Variants in MDFIC2 observed in about 807,000 individuals in gnomAD.
MDFIC2 encodes myoD family inhibitor domain-containing protein 2.
At chr3:70,244,889 A>T (rs112976577) in intron 2 of MDFIC2, among the ~76,000 whole-genome samples, 3,866 of 152,304 alleles carry the variant, frequency 0.025, 77 homozygotes, top group Non-Finnish European at 0.034. Flanking sequence ...ATGTACTTTA[A>T]AAAGGAAATT....
intron 2 of MDFIC2, among the ~76,000 whole-genome samples, chr3:70,277,888 C>A (rs1317191188): frequency 6.6e-6 from 1 of 152,134 alleles, no homozygotes; most frequent in Non-Finnish European, 1.5e-5. Context: ...CAGTCTTAAT[C>A]AGAGGAAGAT....
chr3:70,246,608 T>C (rs1417925696), intron 2 of MDFIC2, among the ~76,000 whole-genome samples: 1 of 152,086 alleles, frequency 6.6e-6, no homozygotes, highest in African/African-American at 2.4e-5. Context: ...ACGAGGAACA[T>C]ACTTGATAAC....
Position 70,295,017 on chromosome 3 carries a change from T to C in MDFIC2, c.88+16869A>G, listed in dbSNP as rs775029068. On this transcript the variant is annotated intron_variant, in intron 2 of 3. Transcript: ENST00000567252. ...CTAGCAGATGGGTTCTCATGTCTCA[T>C]TGTCCAAAATTATTTGTTGCCTAAA... 8.4e-4 allele frequency among the ~76,000 whole-genome samples: 128 copies of C among 152,294 alleles called. 1 individual carries two copies. In the Middle Eastern group the frequency reaches 0.017, roughly 20 times the overall value.
At chr3:70,226,401 T>G (rs959734681) in intron 2 of MDFIC2, among the ~76,000 whole-genome samples, 1 of 152,132 alleles carries the variant, frequency 6.6e-6, no homozygotes, top group Admixed American at 6.6e-5. Context: ...GGGTATAATA[T>G]GCAGAAGGGT....
chr3:70,234,704 C>T (rs892599041), intron 2 of MDFIC2, among the ~76,000 whole-genome samples: 3 of 152,004 alleles, frequency 2.0e-5, no homozygotes, highest in Non-Finnish European at 4.4e-5. Flanking sequence ...GACACACATA[C>T]ATCTACTTTG....
chr3:70,250,821 C>T (rs1458799632), intron 2 of MDFIC2, among the ~76,000 whole-genome samples: 5 of 152,138 alleles, frequency 3.3e-5, no homozygotes, highest in Admixed American at 3.3e-4. Flanking sequence ...CTTCAGCACA[C>T]AGTTCTTTTC....
intron 2 of MDFIC2, among the ~76,000 whole-genome samples, chr3:70,216,320 T>G (rs1203009866): frequency 4.0e-5 from 6 of 150,554 alleles, no homozygotes; most frequent in African/African-American, 1.2e-4. Flanking sequence ...CTAATTATAA[T>G]TTATATATAT....
chr3:70,203,920 C>T (rs934111274), intron 3 of MDFIC2, among the ~76,000 whole-genome samples: 1 of 152,036 alleles, frequency 6.6e-6, no homozygotes, highest in African/African-American at 2.4e-5. Flanking sequence ...GTCCTCTGGA[C>T]ACTTTCCATT....
chr3:70,252,698 T>C (rs563809786), intron 2 of MDFIC2, among the ~76,000 whole-genome samples: 6 of 152,216 alleles, frequency 3.9e-5, no homozygotes, highest in Non-Finnish European at 5.9e-5. Flanking sequence ...TTTATTTATT[T>C]ATTTTTTTAA....
intron 2 of MDFIC2, among the ~76,000 whole-genome samples, chr3:70,236,197 C>G (rs543841158): frequency 6.6e-6 from 1 of 152,152 alleles, no homozygotes; most frequent in East Asian, 1.9e-4. Flanking sequence ...AAACTAAAAT[C>G]GACTTGGCCC....
intron 2 of MDFIC2, among the ~76,000 whole-genome samples, chr3:70,242,289 G>A (rs1032481618): frequency 2.6e-5 from 4 of 151,994 alleles, no homozygotes; most frequent in Non-Finnish European, 5.9e-5. Flanking sequence ...ACATCTCTTT[G>A]GAAATGGTGG....
intron 2 of MDFIC2, among the ~76,000 whole-genome samples, chr3:70,245,189 C>A (rs983329960): frequency 6.6e-6 from 1 of 151,968 alleles, no homozygotes; most frequent in African/African-American, 2.4e-5. Flanking sequence ...ATGCATTTCT[C>A]TTGGCGTTAA....
chr3:70,199,539 T>C (rs565788280), intron 3 of MDFIC2, among the ~76,000 whole-genome samples: 1 of 152,206 alleles, frequency 6.6e-6, no homozygotes, highest in Admixed American at 6.5e-5. Context: ...AAAAACAACA[T>C]GGTAACATTA....
At chr3:70,265,446 C>A (rs757351226) in intron 2 of MDFIC2, among the ~76,000 whole-genome samples, 22 of 152,066 alleles carry the variant, frequency 1.4e-4, no homozygotes, top group Non-Finnish European at 3.2e-4. Flanking sequence ...GATTTGATGA[C>A]CACCACCCCA....
chr3:70,253,433 G>A (rs887985011), intron 2 of MDFIC2, among the ~76,000 whole-genome samples: 5 of 152,130 alleles, frequency 3.3e-5, no homozygotes, highest in African/African-American at 7.2e-5. Flanking sequence ...GGCTGCTTTC[G>A]GTGGGGCACC....
chr3:70,278,307 G>A (rs531936409), intron 2 of MDFIC2, among the ~76,000 whole-genome samples: 1 of 152,300 alleles, frequency 6.6e-6, no homozygotes, highest in African/African-American at 2.4e-5. Context: ...GACTACATAT[G>A]TGTATGTACC....
intron 2 of MDFIC2, among the ~76,000 whole-genome samples, chr3:70,306,989 A>C (rs1416923984): frequency 6.6e-6 from 1 of 152,166 alleles, no homozygotes; most frequent in Non-Finnish European, 1.5e-5. Context: ...ATATTTATAT[A>C]TATAGAGAGA....
At chr3:70,237,979 C>CTTTTGTTTTTTTTTTTT (rs1701627988) in intron 2 of MDFIC2, among the ~76,000 whole-genome samples, 1 of 48,932 alleles carries the variant, frequency 2.0e-5, no homozygotes, top group African/African-American at 1.1e-4. Flanking sequence ...TGAGTGGTAT[C>CTTTTGTTTTTTTTTTTT]TTTTTTTTTT....
At chr3:70,257,765 C>T (rs1701830080) in intron 2 of MDFIC2, among the ~76,000 whole-genome samples, 1 of 152,008 alleles carries the variant, frequency 6.6e-6, no homozygotes, top group South Asian at 2.1e-4. Flanking sequence ...CAGTGCAATC[C>T]CAATAAAAAT....
Sources: gnomAD v4.1 joint callset for allele counts (sites outside exome capture counted in the v4.1 genomes callset) on GRCh38, gnomAD v4.1.1 for gene constraint, MANE v1.5 for transcripts, NCBI Gene and HGNC (gene_info 2026-07-23, HGNC 2026-07-21) for gene names.